Variants in MTMR7 observed in about 807,000 individuals in gnomAD.
The protein encoded by MTMR7 is myotubularin related protein 7, also known as phosphatidylinositol-3-phosphate phosphatase MTMR7.
In MTMR7, 76 loss-of-function variants were observed where a neutral mutation model predicts 81.2. The ratio of observed to expected loss-of-function variants is 0.94; its 90% CI spans 0.78 to 1.13. The LOEUF (loss-of-function observed/expected upper bound fraction) is 1.13, where lower values mean the gene tolerates loss of function less well. Among genes scored for constraint, MTMR7 ranks in the 50% most tolerant of loss-of-function variants. The pLI is 0.00. For missense variants in MTMR7, 1,044 were observed against 820.0 expected, an observed-to-expected ratio of 1.27 and a Z score of -3.34; for synonymous variants, 372 against 289.8, an observed-to-expected ratio of 1.28 and a Z score of -2.88.
chr8:17,356,764 A>C (rs2150553778), intron 4 of MTMR7, among the ~76,000 whole-genome samples: 1 of 152,238 alleles, frequency 6.6e-6, no homozygotes, highest in South Asian at 2.1e-4. Context: ...GTATGCTATT[A>C]AATCCACAGA....
At chr8:17,401,510 G>A (rs918398218) in intron 1 of MTMR7, among the ~76,000 whole-genome samples, 1 of 152,040 alleles carries the variant, frequency 6.6e-6, no homozygotes, top group African/African-American at 2.4e-5. Context: ...AGAAGTCCAA[G>A]CTCCAAATTA....
chr8:17,340,994 G>A (rs886357977), intron 6 of MTMR7, among the ~76,000 whole-genome samples: 8 of 152,198 alleles, frequency 5.3e-5, no homozygotes, highest in Non-Finnish European at 1.2e-4. Context: ...CAATTGAACT[G>A]CTGGAGCTCC....
chr8:17,349,266 T>G lies in MTMR7; in HGVS notation c.469-185A>C, dbSNP rs184514463. On this transcript the variant is annotated intron_variant, in intron 4 of 13. Transcript: ENST00000180173. Reference sequence around the variant, plus strand: ...GGAAGGAAGTGCCGCTGATTCTATGTAATCATTCTGAAGGAACGCAAGCTA... The same window carrying G: ...GGAAGGAAGTGCCGCTGATTCTATGGAATCATTCTGAAGGAACGCAAGCTA... 1,327 of 597,762 alleles carry G rather than the reference T, an allele frequency of 2.2e-3. 19 individuals carry two copies. Among genetic ancestry groups the G allele is most frequent in the Admixed American group, 2.1e-3 (72 of 33,560 alleles). 37.0% of individuals were successfully genotyped at this position (597,762 alleles called of 1,614,324 possible).
intron 1 of MTMR7, among the ~76,000 whole-genome samples, chr8:17,394,332 T>A (rs548581984): frequency 6.6e-6 from 1 of 152,336 alleles, no homozygotes; most frequent in Non-Finnish European, 1.5e-5. Flanking sequence ...AAATGTGGGG[T>A]ATATCCATGC....
chr8:17,312,870 C>T (rs532388598), intron 8 of MTMR7, among the ~76,000 whole-genome samples: 9 of 152,212 alleles, frequency 5.9e-5, no homozygotes, highest in South Asian at 2.1e-4. Context: ...AAAGCTGCAG[C>T]GACATTTTCC....
intron 7 of MTMR7, among the ~76,000 whole-genome samples, chr8:17,322,162 G>T (rs1375303707): frequency 2.6e-5 from 4 of 152,046 alleles, no homozygotes; most frequent in African/African-American, 9.7e-5. Context: ...TCCCATTTTG[G>T]AGTCATGAAG....
chr8:17,362,286 T>G (rs534872468), intron 3 of MTMR7, among the ~76,000 whole-genome samples: 2 of 152,242 alleles, frequency 1.3e-5, no homozygotes, highest in Non-Finnish European at 2.9e-5. Context: ...AAATTTCACA[T>G]GTATTTGGCA....
chr8:17,389,004 A>T (rs1213188357), intron 1 of MTMR7, among the ~76,000 whole-genome samples: 4 of 152,178 alleles, frequency 2.6e-5, no homozygotes, highest in African/African-American at 9.7e-5. Context: ...TGCCTTGCAG[A>T]CCCAATGATG....
At chr8:17,348,523 C>A (rs1306621175) in intron 5 of MTMR7, among the ~76,000 whole-genome samples, 1 of 146,162 alleles carries the variant, frequency 6.8e-6, no homozygotes, top group African/African-American at 2.6e-5. Flanking sequence ...GCACTCTAGC[C>A]CAGGTGACAG....
intron 2 of MTMR7, among the ~76,000 whole-genome samples, chr8:17,371,640 T>C (rs1480067780): frequency 6.6e-6 from 1 of 152,204 alleles, no homozygotes; most frequent in Non-Finnish European, 1.5e-5. Flanking sequence ...TCGAGTTCTG[T>C]ATCAACATGG....
At position 17,373,214 on chromosome 8, in the gene MTMR7, T is replaced by G. The variant is rs1163218258; in HGVS notation, c.51A>C (p.Arg17=). The G allele has an allele frequency of 1.2e-6, 2 of 1,613,436 alleles. No homozygotes were observed. Among genetic ancestry groups the G allele is most frequent in the Non-Finnish European group, 1.7e-6 (2 of 1,179,674 alleles). The change falls in exon 2 of 14, where the codon CGA becomes CGC. Residue 17 remains arginine, a synonymous_variant. Transcript: ENST00000180173. The stretch of plus-strand genomic sequence containing the variant: ...CTAGAGCTGCTTTTTTAGGAGACAC[T>G]CGATCTACCAAGCGGACATTTTCAA... ...PKVENVRLVD[R]VSPKKAALGT... is the part of the protein sequence containing the mutation.
chr8:17,323,718 T>G (rs891609050), intron 7 of MTMR7, among the ~76,000 whole-genome samples: 4 of 152,148 alleles, frequency 2.6e-5, no homozygotes, highest in Non-Finnish European at 4.4e-5. Context: ...CTATGAACTT[T>G]GAGACTGTAT....
At chr8:17,381,941 C>T (rs1339184105) in intron 1 of MTMR7, among the ~76,000 whole-genome samples, 1 of 152,156 alleles carries the variant, frequency 6.6e-6, no homozygotes, top group Non-Finnish European at 1.5e-5. Flanking sequence ...ATTATCCCTG[C>T]ATTTTGACTT....
At chr8:17,350,737 T>G (rs569403193) in intron 4 of MTMR7, among the ~76,000 whole-genome samples, 1 of 152,322 alleles carries the variant, frequency 6.6e-6, no homozygotes, top group Non-Finnish European at 1.5e-5. Context: ...TCTGTGATGA[T>G]GCCTCCCTTG....
At chr8:17,358,201 G>A (rs1402795208) in intron 4 of MTMR7, among the ~76,000 whole-genome samples, 1 of 152,052 alleles carries the variant, frequency 6.6e-6, no homozygotes, top group Non-Finnish European at 1.5e-5. Context: ...ACATAAGAAG[G>A]TTAAAAAGAA....
chr8:17,347,420 G>A (rs1819590244), intron 5 of MTMR7, among the ~76,000 whole-genome samples: 1 of 152,056 alleles, frequency 6.6e-6, no homozygotes, highest in Non-Finnish European at 1.5e-5. Flanking sequence ...AGGGCTATGT[G>A]CTCACTCTGA....
rs1820000642 is a variant in MTMR7, at chr8:17,359,597, A to AAG, written c.468+1519_468+1520insCT. Among the ~76,000 whole-genome samples, 3 of 151,502 alleles carry AAG rather than the reference A, an allele frequency of 2.0e-5. No individual in the cohort carries two copies. The South Asian group carries it at 6.3e-4, about 32-fold the overall frequency. On this transcript the variant is annotated intron_variant, in intron 4 of 13. Transcript: ENST00000180173. ...ACCCTGTTTCCTTAAAAAAAAAAAA[A>AAG]AACCTGAAAGAAAATCCCTGTGACA... is the stretch of plus-strand genomic sequence containing the variant.
At position 17,298,377 on chromosome 8, in the gene MTMR7, A is replaced by G. The variant is rs1816878197; in HGVS notation, c.*1485T>C. On this transcript the variant is annotated 3_prime_UTR_variant, in exon 14 of 14. Coordinates refer to ENST00000180173, the MANE Select transcript of MTMR7 (RefSeq NM_004686.5). ...TTTTTTACATTAACAGTACTTTTAA[A>G]TCACAGTTCTCTAATATATTCTATA... The G allele has an allele frequency of 6.6e-6, 1 of 152,090 alleles. No individual in the cohort carries two copies. Among genetic ancestry groups the G allele is most frequent in the African/African-American group, 2.4e-5 (1 of 41,442 alleles). The allele number at this position is 152,090 out of a possible 1,614,324, so 9.4% of individuals were successfully genotyped here. A position where few individuals can be genotyped will look rare whatever the true frequency, so the allele number is the denominator to read the frequency against.
intron 12 of MTMR7, among the ~76,000 whole-genome samples, chr8:17,304,024 A>G (rs1817294371): frequency 6.6e-6 from 1 of 151,788 alleles, no homozygotes; most frequent in Non-Finnish European, 1.5e-5. Flanking sequence ...TTTTTGCTCC[A>G]ACCTTAACAC....
Sources: allele counts gnomAD v4.1 joint callset (sites outside exome capture counted in the v4.1 genomes callset), GRCh38; gene constraint gnomAD v4.1.1; transcripts MANE v1.5; gene names NCBI Gene and HGNC (gene_info 2026-07-23, HGNC 2026-07-21).